HDDC2: variants seen among roughly 807,000 people sequenced by gnomAD.
HDDC2 encodes the protein 5'-deoxynucleotidase HDDC2.
A neutral mutation model predicts 25.5 loss-of-function variants in HDDC2; 25 were observed. The ratio of observed to expected loss-of-function variants is 0.98; its 90% CI spans 0.72 to 1.37. The LOEUF is 1.37. Among genes scored for constraint, HDDC2 ranks in the 40% most tolerant of loss-of-function variants. The probability of loss-of-function intolerance (pLI) is 0.00; values close to 1 mark genes in which losing one functional copy is unlikely to be tolerated. For missense variants in HDDC2, 264 were observed against 253.1 expected, an observed-to-expected ratio of 1.04 and a Z score of -0.29; for synonymous variants, 106 against 89.7, an observed-to-expected ratio of 1.18 and a Z score of -1.03.
intron 4 of HDDC2, among the ~76,000 whole-genome samples, chr6:125,290,536 GA>G (rs1798615245): frequency 6.6e-6 from 1 of 152,172 alleles, no homozygotes; most frequent in African/African-American, 2.4e-5. Flanking sequence ...ACCCTATTTG[GA>G]AATAGGGTCT....
chr6:125,299,314 T>G (rs1483579335), intron 2 of HDDC2, among the ~76,000 whole-genome samples: 1 of 151,928 alleles, frequency 6.6e-6, no homozygotes, highest in Non-Finnish European at 1.5e-5. Flanking sequence ...ATCTGGGAGG[T>G]GGAGGTTGTA....
At chr6:125,276,271 ACATTCC>A in intron 5 of HDDC2, 28 bp from the exon 6 acceptor site, 2 of 1,495,980 alleles carry the variant, frequency 1.3e-6, no homozygotes, top group Non-Finnish European at 1.9e-6. Context: ...AGGGAAAAAT[ACATTCC>A]CATATTGACA....
intron 4 of HDDC2, among the ~76,000 whole-genome samples, chr6:125,287,942 G>T (rs1190422036): frequency 6.6e-6 from 1 of 152,194 alleles, no homozygotes; most frequent in African/African-American, 2.4e-5. Context: ...AAGGCCGAAG[G>T]CCGGCTGTGA....
At position 125,298,800 on chromosome 6, in the gene HDDC2, G is replaced by A. The variant is rs1227945052; in HGVS notation, c.223C>T (p.Leu75=). 1 of 1,613,738 alleles carries A rather than the reference G, an allele frequency of 6.2e-7. No homozygotes were observed. The highest frequency in any genetic ancestry group is 1.1e-5 in the South Asian group (1 of 91,072). Residue 75 remains leucine, a synonymous_variant, in exon 3 of 6, where the codon CTG becomes TTG. Coordinates refer to ENST00000398153, the MANE Select transcript of HDDC2 (RefSeq NM_016063.3). ...ATGCATTCTGCCATATCATGAACCAGGGCTAGGCGTACACATCTGATCAGG... is the reference window on the plus strand; with the variant it reads ...ATGCATTCTGCCATATCATGAACCAAGGCTAGGCGTACACATCTGATCAGG... ...LNKDRCVRLA[L]VHDMAECIVG... is the part of the protein sequence containing the mutation.
chr6:125,284,845 C>T (rs549758370), intron 4 of HDDC2, among the ~76,000 whole-genome samples: 1 of 152,278 alleles, frequency 6.6e-6, no homozygotes, highest in East Asian at 1.9e-4. Context: ...AATCATTCTG[C>T]TATAAAGACA....
At chr6:125,298,015 A>G (rs1798730446) in intron 3 of HDDC2, among the ~76,000 whole-genome samples, 1 of 152,178 alleles carries the variant, frequency 6.6e-6, no homozygotes, top group Admixed American at 6.5e-5. Flanking sequence ...GATTTATAGA[A>G]CTTCTCTCCA....
chr6:125,298,693 C>CAGTAAAT (rs748000343), intron 3 of HDDC2, 21 bp downstream of exon 3: 14 of 1,585,090 alleles, frequency 8.8e-6, no homozygotes, highest in Non-Finnish European at 1.1e-5. Context: ...GTTTTTTGCA[C>CAGTAAAT]AGTCAATAGT....
intron 3 of HDDC2, among the ~76,000 whole-genome samples, chr6:125,293,429 A>T (rs1798659838): frequency 6.6e-6 from 1 of 152,252 alleles, no homozygotes; most frequent in Admixed American, 6.5e-5. Flanking sequence ...TGCCATTAAC[A>T]TAAACGAAGT....
In HDDC2 at chr6:125,298,709, C is replaced by A. The variant is rs1182004088; in HGVS notation, c.309+5G>T. 1.2e-6 allele frequency: 2 copies of A among 1,610,470 alleles called. No individual in the cohort carries two copies. Among genetic ancestry groups the A allele is most frequent in the South Asian group, 1.1e-5 (1 of 91,006 alleles). ...TTTTTTGCACAGTCAATAGTCAACA[C>A]TGACCTCTTCTCGCCTATGTTTTTC... is the stretch of plus-strand genomic sequence containing the variant. On this transcript the variant is annotated splice_donor_5th_base_variant and intron_variant, in intron 3 of 5. Coordinates refer to ENST00000398153, the MANE Select transcript of HDDC2 (RefSeq NM_016063.3).
chr6:125,276,332 G>T, intron 5 of HDDC2, 89 bp from the exon 6 acceptor site: 4 of 955,610 alleles, frequency 4.2e-6, no homozygotes. Flanking sequence ...GGTTCACTGG[G>T]GGCTCTAGTC....
chr6:125,297,332 T>TC (rs1187849661), intron 3 of HDDC2, among the ~76,000 whole-genome samples: 4 of 152,182 alleles, frequency 2.6e-5, no homozygotes, highest in African/African-American at 9.7e-5. Flanking sequence ...TTCCTTAGAC[T>TC]CCTCCCCTTT....
At chr6:125,280,802 A>T (rs1198986367) in intron 4 of HDDC2, among the ~76,000 whole-genome samples, 1 of 152,220 alleles carries the variant, frequency 6.6e-6, no homozygotes, top group South Asian at 2.1e-4. Context: ...CAGTACACTT[A>T]AATGTTCCTG....
At chr6:125,296,349 AT>A (rs2115116451) in intron 3 of HDDC2, among the ~76,000 whole-genome samples, 1 of 152,080 alleles carries the variant, frequency 6.6e-6, no homozygotes, top group African/African-American at 2.4e-5. Context: ...GGACCACTGT[AT>A]TTTTTCTCCC....
intron 4 of HDDC2, among the ~76,000 whole-genome samples, chr6:125,283,068 A>G (rs925653624): frequency 7.9e-5 from 12 of 152,224 alleles, no homozygotes; most frequent in African/African-American, 2.7e-4. Flanking sequence ...CAAAAATCAC[A>G]TGATTATCTC....
intron 4 of HDDC2, among the ~76,000 whole-genome samples, chr6:125,286,926 C>T (rs922172639): frequency 6.6e-6 from 1 of 152,080 alleles, no homozygotes; most frequent in Non-Finnish European, 1.5e-5. Flanking sequence ...GGGATATAAG[C>T]GTGAAGAAAA....
intron 3 of HDDC2, among the ~76,000 whole-genome samples, chr6:125,294,544 T>C (rs924403395): frequency 2.6e-5 from 4 of 152,238 alleles, no homozygotes; most frequent in Admixed American, 6.5e-5. Flanking sequence ...TGTGTCTTTA[T>C]AGATTCCTTT....
chr6:125,284,278 A>C (rs1238961092), intron 4 of HDDC2, among the ~76,000 whole-genome samples: 2 of 152,342 alleles, frequency 1.3e-5, no homozygotes, highest in East Asian at 3.9e-4. Flanking sequence ...CTAAAATACC[A>C]AAAGCAATTG....
At position 125,300,571 on chromosome 6, in the gene HDDC2, A is replaced by G. The variant is rs1354454406; in HGVS notation, c.173T>C (p.Met58Thr). 2 of 1,614,230 alleles carry G rather than the reference A, an allele frequency of 1.2e-6. No homozygotes were observed. Among genetic ancestry groups the G allele is most frequent in the South Asian group, 1.1e-5 (1 of 91,090 alleles). Residue 58 changes from methionine (M) to threonine (T), a missense_variant, in exon 2 of 6, where the codon ATG becomes ACG. Met to Thr is a moderately conservative substitution (Grantham distance 81). Coordinates refer to ENST00000398153, the MANE Select transcript of HDDC2 (RefSeq NM_016063.3). ...DHMYRMAVMA[M>T]VIKDDRLNKD... ...GTTAAGACGGTCATCTTTGATCACC[A>G]TAGCCATAACTGCCATCCGGTACAT...
intron 4 of HDDC2, among the ~76,000 whole-genome samples, chr6:125,285,929 A>C (rs1261001560): frequency 6.6e-6 from 1 of 152,192 alleles, no homozygotes; most frequent in African/African-American, 2.4e-5. Context: ...TCTGTCCCTC[A>C]AAGTACAGTT....
Sources: gnomAD v4.1 joint callset for allele counts (sites outside exome capture counted in the v4.1 genomes callset) on GRCh38, gnomAD v4.1.1 for gene constraint, MANE v1.5 for transcripts, NCBI Gene and HGNC (gene_info 2026-07-23, HGNC 2026-07-21) for gene names.